The following SRGAP2B variants were observed in gnomAD, a reference collection of about 807,000 sequenced individuals.
The protein encoded by SRGAP2B is SLIT-ROBO Rho GTPase activating protein 2B.
In SRGAP2B, 9 loss-of-function variants were observed where a neutral mutation model predicts 22.2. The ratio of observed to expected loss-of-function variants is 0.41; its 90% CI spans 0.24 to 0.71. The LOEUF (loss-of-function observed/expected upper bound fraction) is 0.71. SRGAP2B is among the 30% of genes least tolerant of loss of function. SRGAP2B has a pLI of 0.35. For missense variants in SRGAP2B, 114 were observed against 235.8 expected (o/e 0.48, Z 3.38); for synonymous variants, 36 against 87.4 (o/e 0.41, Z 3.28).
rs1664919105 is a variant in SRGAP2B at position 144,928,456 on chromosome 1, G to C, written c.424-13702C>G. 3.3e-5 allele frequency among the ~76,000 whole-genome samples: 4 copies of C among 119,546 alleles called. No homozygotes were observed. The South Asian group carries it at 1.1e-3, about 32-fold the overall frequency. The allele number at this position is 119,546 out of a possible 152,430, so 78.4% of individuals were successfully genotyped here. The stretch of plus-strand genomic sequence containing the variant: ...ATTTATTTATTTATTTATTTATTTT[G>C]AGATGGAGTCTCGCTCTGTCGCCCA... On this transcript the variant is annotated intron_variant, in intron 4 of 9. Transcript: ENST00000612199.
intron 2 of SRGAP2B, among the ~76,000 whole-genome samples, chr1:145,017,336 T>C (rs1553623391): frequency 6.7e-6 from 1 of 148,728 alleles, no homozygotes; most frequent in Non-Finnish European, 1.5e-5. Flanking sequence ...GTGTGTATTA[T>C]GTCAACTTGA....
intron 4 of SRGAP2B, among the ~76,000 whole-genome samples, chr1:144,925,727 A>AAAGAAAG (rs1553604880): frequency 9.6e-6 from 1 of 104,156 alleles, no homozygotes; most frequent in African/African-American, 3.9e-5. Context: ...AGAGAGAAAG[A>AAAGAAAG]AAAGAAAGAA....
intron 4 of SRGAP2B, among the ~76,000 whole-genome samples, chr1:144,928,404 GTTATTTATTTAT>G (rs1267611455): frequency 3.8e-4 from 44 of 116,172 alleles, no homozygotes; most frequent in South Asian, 1.4e-3. Flanking sequence ...CCACTTTTTG[GTTATTTATTTAT>G]TTATTTATTT....
At chr1:144,994,921 G>A (rs1237593806) in intron 3 of SRGAP2B, 87 bp downstream of exon 3, 3 of 646,066 alleles carry the variant, frequency 4.6e-6, no homozygotes, top group Non-Finnish European at 7.3e-6. Context: ...CCTGAATTCA[G>A]CTGGATCTAA....
intron 2 of SRGAP2B, among the ~76,000 whole-genome samples, chr1:145,013,026 T>C (rs1420038428): frequency 6.7e-6 from 1 of 150,300 alleles, no homozygotes; most frequent in East Asian, 1.9e-4. Flanking sequence ...AAGATTGCAC[T>C]GAGCCGAGAT....
rs1553615449 is a variant in SRGAP2B at position 144,984,180 on chromosome 1, C to T, written c.260+10828G>A. ...TACTAAAAATACAAAATTAGCCTGG[C>T]GTCGTGGCGCATGCCTGTAATCCCA... is the stretch of plus-strand genomic sequence containing the variant. On this transcript the variant is annotated intron_variant, in intron 3 of 9. Coordinates refer to ENST00000612199, the Ensembl canonical transcript of SRGAP2B. 4.0e-5 allele frequency among the ~76,000 whole-genome samples: 6 copies of T among 150,176 alleles called. 1 individual carries two copies. The highest frequency in any genetic ancestry group is 1.0e-4 in the African/African-American group (4 of 39,906).
chr1:144,972,822 G>A (rs1668624900), intron 3 of SRGAP2B, among the ~76,000 whole-genome samples: 1 of 144,140 alleles, frequency 6.9e-6, no homozygotes, highest in Admixed American at 6.9e-5. Flanking sequence ...ACAGAAAAAA[G>A]TAGCCTGGAT....
Position 145,079,898 on chromosome 1 carries a change from A to T in SRGAP2B, c.67+12937T>A, listed in dbSNP as rs1174646751. On this transcript the variant is annotated intron_variant, in intron 2 of 9. Transcript: ENST00000612199. ...CCTGAAGTCACTTCCCGAACAACCCAGATGTCTAGATCAACCCTATACCAG... is the reference window on the plus strand; with the variant it reads ...CCTGAAGTCACTTCCCGAACAACCCTGATGTCTAGATCAACCCTATACCAG... 1.1e-4 allele frequency among the ~76,000 whole-genome samples: 16 copies of T among 149,812 alleles called. 1 individual carries two copies. Among genetic ancestry groups the T allele is most frequent in the Admixed American group, 2.0e-4 (3 of 15,058 alleles).
intron 4 of SRGAP2B, among the ~76,000 whole-genome samples, chr1:144,950,745 T>C (rs1416952673): frequency 2.0e-5 from 3 of 150,048 alleles, no homozygotes; most frequent in Admixed American, 6.6e-5. Flanking sequence ...CTGTACAACA[T>C]ACTTAGAGAA....
intron 3 of SRGAP2B, among the ~76,000 whole-genome samples, chr1:144,966,396 T>C (rs1219160857): frequency 1.3e-5 from 2 of 148,192 alleles, no homozygotes; most frequent in Non-Finnish European, 2.9e-5. Context: ...AAACTAAGCT[T>C]CATAAGTGAA....
chr1:144,907,512 A>T (rs1439890335), intron 5 of SRGAP2B, among the ~76,000 whole-genome samples: 1 of 149,652 alleles, frequency 6.7e-6, no homozygotes, highest in Non-Finnish European at 1.5e-5. Context: ...TATGGTCAAG[A>T]TATTCCTGAA....
At chr1:144,965,235 C>T in intron 3 of SRGAP2B, 2 of 661,150 alleles carry the variant, frequency 3.0e-6, no homozygotes, top group Non-Finnish European at 5.4e-6. Flanking sequence ...GTGATTTCTG[C>T]ATTTCCATCT....
chr1:144,969,613 G>A (rs2102004592), intron 3 of SRGAP2B, among the ~76,000 whole-genome samples: 1 of 148,782 alleles, frequency 6.7e-6, no homozygotes, highest in African/African-American at 2.5e-5. Context: ...AACACCAAAA[G>A]CAATGGCAAC....
intron 4 of SRGAP2B, 33 bp downstream of exon 4, chr1:144,955,406 C>G (rs782548839): frequency 6.3e-7 from 1 of 1,582,634 alleles, no homozygotes; most frequent in Non-Finnish European, 8.6e-7. Flanking sequence ...CATTGCTCCA[C>G]CCAAGAACCT....
intron 2 of SRGAP2B, among the ~76,000 whole-genome samples, chr1:145,090,215 C>G (rs1571176444): frequency 6.7e-6 from 1 of 149,034 alleles, no homozygotes; most frequent in South Asian, 2.1e-4. Context: ...CAAACCAGAT[C>G]GCAGGCCCTT....
chr1:144,899,193 CT>C (rs1406230846), intron 7 of SRGAP2B, among the ~76,000 whole-genome samples: 2 of 150,570 alleles, frequency 1.3e-5, no homozygotes, highest in Non-Finnish European at 3.0e-5. Context: ...TCCATTCTTA[CT>C]ACCTCTACCC....
rs1358853514 is a variant in SRGAP2B, at chr1:144,965,866, G to A, written c.261-10265C>T. ...ATGCAGAAGCCTCAGGAGCCGATGCGATCAACTGGAAGAAAGGGTATCAGC... is the reference window on the plus strand; with the variant it reads ...ATGCAGAAGCCTCAGGAGCCGATGCAATCAACTGGAAGAAAGGGTATCAGC... On this transcript the variant is annotated intron_variant, in intron 3 of 9. Coordinates refer to ENST00000612199, the Ensembl canonical transcript of SRGAP2B. 8.3e-5 allele frequency among the ~76,000 whole-genome samples: 12 copies of A among 144,972 alleles called. No individual in the cohort carries two copies. The East Asian group carries it at 1.2e-3, about 14-fold the overall frequency.
chr1:145,020,781 A>G (rs1672743669), intron 2 of SRGAP2B, among the ~76,000 whole-genome samples: 1 of 150,970 alleles, frequency 6.6e-6, no homozygotes, highest in Non-Finnish European at 1.5e-5. Flanking sequence ...AAAAGAAAAA[A>G]AGGGTCTTCT....
At position 145,079,744 on chromosome 1, in the gene SRGAP2B, AT is replaced by A. The variant is rs1442622546; in HGVS notation, c.67+13090del. On this transcript the variant is annotated intron_variant, in intron 2 of 9. Transcript: ENST00000612199. Reference sequence around the variant, plus strand: ...AGGCGAAAGGAAAACAAACATAAACATGAAAACATTTCAATTCCACATTACA... The same window carrying A: ...AGGCGAAAGGAAAACAAACATAAACAGAAAACATTTCAATTCCACATTACA... Among the ~76,000 whole-genome samples the A allele has an allele frequency of 2.2e-5, 3 of 137,410 alleles. No individual in the cohort carries two copies. The East Asian group carries it at 6.3e-4, about 29-fold the overall frequency. 90.1% of individuals were successfully genotyped at this position (137,410 alleles called of 152,430 possible).
Sources: gnomAD v4.1 joint callset for allele counts (sites outside exome capture counted in the v4.1 genomes callset) on GRCh38, gnomAD v4.1.1 for gene constraint, MANE v1.5 for transcripts, NCBI Gene and HGNC (gene_info 2026-07-23, HGNC 2026-07-21) for gene names.